SGCZ: variants seen among roughly 807,000 people sequenced by gnomAD.
SGCZ encodes the protein zeta-sarcoglycan.
A neutral mutation model predicts 41.3 loss-of-function variants in SGCZ; 40 were observed. The observed-to-expected ratio is 0.97, with a 90% CI of 0.75 to 1.26. The LOEUF (loss-of-function observed/expected upper bound fraction) is 1.26, where lower values mean the gene tolerates loss of function less well. SGCZ is among the 50% of genes most tolerant of loss of function. The pLI is 0.00. For missense variants in SGCZ, 552 were observed against 369.8 expected (o/e 1.49, Z -4.04); for synonymous variants, 206 against 137.5 (o/e 1.50, Z -3.49).
At chr8:15,138,001 G>C (rs112583345) in intron 1 of SGCZ, among the ~76,000 whole-genome samples, 1 of 152,108 alleles carries the variant, frequency 6.6e-6, no homozygotes, top group Non-Finnish European at 1.5e-5. Context: ...AAGCAGTCCC[G>C]GAGGGGGACT....
chr8:14,585,858 A>T (rs568081974), intron 1 of SGCZ, among the ~76,000 whole-genome samples: 1 of 152,176 alleles, frequency 6.6e-6, no homozygotes, highest in Admixed American at 6.5e-5. Context: ...CAAGAAGTAG[A>T]TTTATTAATA....
chr8:14,264,707 A>G (rs1799813866), intron 3 of SGCZ, among the ~76,000 whole-genome samples: 1 of 152,220 alleles, frequency 6.6e-6, no homozygotes, highest in Admixed American at 6.5e-5. Flanking sequence ...CACGCCTGTA[A>G]TCCCAGCACT....
At chr8:14,164,238 G>A (rs920344057) in intron 5 of SGCZ, among the ~76,000 whole-genome samples, 5 of 151,762 alleles carry the variant, frequency 3.3e-5, no homozygotes, top group Admixed American at 1.3e-4. Context: ...TCCTTCGCAC[G>A]TCTTTTATTT....
At chr8:14,367,499 C>T (rs573813795) in intron 2 of SGCZ, among the ~76,000 whole-genome samples, 2 of 152,036 alleles carry the variant, frequency 1.3e-5, no homozygotes, top group East Asian at 3.9e-4. Context: ...TGAAGAATAC[C>T]CAAAACTAGG....
intron 1 of SGCZ, among the ~76,000 whole-genome samples, chr8:14,575,238 G>A (rs1335239582): frequency 6.6e-6 from 1 of 152,062 alleles, no homozygotes; most frequent in Non-Finnish European, 1.5e-5. Context: ...CTTATATAGG[G>A]GTAAAGAAGT....
At chr8:14,362,420 G>T (rs565555380) in intron 2 of SGCZ, among the ~76,000 whole-genome samples, 2 of 152,302 alleles carry the variant, frequency 1.3e-5, no homozygotes, top group East Asian at 3.9e-4. Context: ...CCCAACGCCA[G>T]CCAAGCTCCA....
chr8:15,163,887 G>A (rs115192306), intron 1 of SGCZ, among the ~76,000 whole-genome samples: 1 of 152,196 alleles, frequency 6.6e-6, no homozygotes, highest in African/African-American at 2.4e-5. Context: ...CCAGGTGGGA[G>A]GGTGTCCTCA....
At chr8:14,239,712 C>T (rs1798791894) in intron 3 of SGCZ, among the ~76,000 whole-genome samples, 2 of 151,060 alleles carry the variant, frequency 1.3e-5, no homozygotes, top group Admixed American at 1.3e-4. Flanking sequence ...ACCATCCCGG[C>T]TAAAACGGTG....
chr8:14,702,138 G>T (rs1310944361), intron 1 of SGCZ, among the ~76,000 whole-genome samples: 2 of 151,928 alleles, frequency 1.3e-5, no homozygotes, highest in Non-Finnish European at 2.9e-5. Flanking sequence ...TAAATGCTCA[G>T]TGCTCACTTT....
chr8:14,347,017 A>T (rs1563271312), intron 2 of SGCZ, among the ~76,000 whole-genome samples: 1 of 152,056 alleles, frequency 6.6e-6, no homozygotes, highest in Non-Finnish European at 1.5e-5. Context: ...AACATTTATT[A>T]TCCTTATCAA....
chr8:14,265,033 A>T (rs549558492), intron 3 of SGCZ, among the ~76,000 whole-genome samples: 1 of 152,228 alleles, frequency 6.6e-6, no homozygotes, highest in Admixed American at 6.5e-5. Flanking sequence ...TAAATTCCTA[A>T]TTTTTCAGTA....
chr8:15,012,976 G>A (rs1460302648), intron 1 of SGCZ, among the ~76,000 whole-genome samples: 2 of 151,734 alleles, frequency 1.3e-5, no homozygotes, highest in Non-Finnish European at 2.9e-5. Flanking sequence ...TTGCTCTTAG[G>A]TTTATATTTG....
chr8:15,025,609 C>A (rs1803426981), intron 1 of SGCZ, among the ~76,000 whole-genome samples: 1 of 152,102 alleles, frequency 6.6e-6, no homozygotes, highest in Non-Finnish European at 1.5e-5. Flanking sequence ...TGATGACAAC[C>A]AACACCTGAA....
chr8:14,088,476 C>G lies in SGCZ; in HGVS notation c.*1967G>C, dbSNP rs17118610. ...AGTCCATAATATAGTGATTAGCACA[C>G]ATAATTTCTCAATATTTCTTGTATT... On this transcript the variant is annotated 3_prime_UTR_variant, in exon 8 of 8. Coordinates refer to ENST00000382080, the MANE Select transcript of SGCZ (RefSeq NM_139167.4). Among the ~76,000 whole-genome samples the G allele has an allele frequency of 0.17, 25,141 of 151,700 alleles. 3,336 individuals carry two copies. The highest frequency in any genetic ancestry group is 0.69 in the East Asian group (3,521 of 5,116).
intron 1 of SGCZ, among the ~76,000 whole-genome samples, chr8:14,852,759 G>A (rs1803379644): frequency 6.6e-6 from 1 of 152,104 alleles, no homozygotes; most frequent in Admixed American, 6.6e-5. Flanking sequence ...ACATTGCAAA[G>A]TACAAAAAAT....
At chr8:14,880,381 G>A (rs1278280340) in intron 1 of SGCZ, among the ~76,000 whole-genome samples, 1 of 152,156 alleles carries the variant, frequency 6.6e-6, no homozygotes, top group African/African-American at 2.4e-5. Flanking sequence ...CAACCATTGT[G>A]GAAGTCAGTG....
chr8:15,011,748 A>C (rs1334606610), intron 1 of SGCZ, among the ~76,000 whole-genome samples: 1 of 152,180 alleles, frequency 6.6e-6, no homozygotes, highest in African/African-American at 2.4e-5. Flanking sequence ...TTAAAATATC[A>C]TTTAAATGTG....
chr8:15,026,307 T>A (rs2130951018), intron 1 of SGCZ, among the ~76,000 whole-genome samples: 1 of 152,292 alleles, frequency 6.6e-6, no homozygotes, highest in South Asian at 2.1e-4. Flanking sequence ...ACATAATTTC[T>A]GAATGTCCTA....
At chr8:14,240,920 G>A (rs1351074983) in intron 3 of SGCZ, among the ~76,000 whole-genome samples, 1 of 152,124 alleles carries the variant, frequency 6.6e-6, no homozygotes, top group African/African-American at 2.4e-5. Flanking sequence ...AAATCTTTCA[G>A]TCATTTAAGG....
Sources: gnomAD v4.1 joint callset for allele counts (sites outside exome capture counted in the v4.1 genomes callset) on GRCh38, gnomAD v4.1.1 for gene constraint, MANE v1.5 for transcripts, NCBI Gene and HGNC (gene_info 2026-07-23, HGNC 2026-07-21) for gene names.